The following CNKSR2 variants were observed in gnomAD, a reference collection of about 807,000 sequenced individuals.
CNKSR2 encodes CNK homolog protein 2.
In CNKSR2, 14 loss-of-function variants were observed where a neutral mutation model predicts 84.4. That is an observed-to-expected ratio of 0.17 (90% CI 0.11 to 0.26). CNKSR2 has a LOEUF of 0.26. Among genes scored for constraint, CNKSR2 ranks in the 10% least tolerant of loss-of-function variants. The pLI is 1.00. For synonymous variants in CNKSR2, 275 were observed against 277.9 expected (o/e 0.99, Z 0.10); for missense variants, 485 against 771.2 (o/e 0.63, Z 4.40).
chrX:21,590,774 A>G (rs2092415837), intron 14 of CNKSR2, 154 bp downstream of exon 14: 2 of 521,062 alleles, frequency 3.8e-6, no homozygotes, highest in South Asian at 3.8e-5. Flanking sequence ...CTTCAGTGCA[A>G]TTATAATACA....
intron 20 of CNKSR2, among the ~76,000 whole-genome samples, chrX:21,617,554 A>G (rs972056876): frequency 4.5e-5 from 5 of 112,025 alleles, no homozygotes; most frequent in Non-Finnish European, 9.4e-5. Context: ...TTTACTCTCC[A>G]AAGTTAACTA....
At chrX:21,580,030 A>T (rs963318981) in intron 13 of CNKSR2, among the ~76,000 whole-genome samples, 1 of 112,214 alleles carries the variant, frequency 8.9e-6, no homozygotes, top group African/African-American at 3.2e-5. Context: ...TGACAGCATA[A>T]TGATGATTTG....
chrX:21,398,129 G>A (rs1295897418), intron 1 of CNKSR2, among the ~76,000 whole-genome samples: 1 of 111,754 alleles, frequency 8.9e-6, no homozygotes, highest in African/African-American at 3.2e-5. Flanking sequence ...TAAAATGAGA[G>A]TAATTATAGC....
chrX:21,506,694 A>C (rs1053129015), intron 8 of CNKSR2: 1 of 111,603 alleles, frequency 9.0e-6, no homozygotes, highest in African/African-American at 3.2e-5. Flanking sequence ...AGATCTCTGC[A>C]TCCTGATTTG....
At chrX:21,479,720 T>C (rs761069862) in intron 5 of CNKSR2, among the ~76,000 whole-genome samples, 1 of 110,810 alleles carries the variant, frequency 9.0e-6, no homozygotes, top group Non-Finnish European at 1.9e-5. Flanking sequence ...TGCAGCTTCA[T>C]TGGGTTGCAT....
chrX:21,428,209 A>G (rs913954372), intron 2 of CNKSR2: 24 of 112,049 alleles, frequency 2.1e-4, no homozygotes, highest in Non-Finnish European at 3.4e-4. Context: ...TGCTAAATTA[A>G]TGTTATCTTA....
intron 1 of CNKSR2, among the ~76,000 whole-genome samples, chrX:21,389,043 C>G (rs972163746): frequency 4.7e-5 from 5 of 106,961 alleles, no homozygotes; most frequent in African/African-American, 1.7e-4. Context: ...CTTTACTCCC[C>G]ACAAACCCAT....
intron 7 of CNKSR2, 181 bp from the exon 8 acceptor site, chrX:21,501,339 G>C (rs992689071): frequency 3.6e-6 from 1 of 280,805 alleles, no homozygotes; most frequent in African/African-American, 2.8e-5. Context: ...TATTTAACTG[G>C]CTCAGCAGGT....
At chrX:21,575,217 A>C (rs1405699941) in intron 13 of CNKSR2, among the ~76,000 whole-genome samples, 1 of 111,887 alleles carries the variant, frequency 8.9e-6, no homozygotes, top group African/African-American at 3.3e-5. Context: ...TTATAAATAT[A>C]AAACAGTTTT....
chrX:21,610,334 T>C (rs61335625), intron 20 of CNKSR2, among the ~76,000 whole-genome samples: 3,816 of 112,083 alleles, frequency 0.034, 153 homozygotes, highest in African/African-American at 0.11. Flanking sequence ...CTTTACTAGT[T>C]ATTAAGTTCT....
At chrX:21,536,902 A>C (rs750859379) in intron 11 of CNKSR2, among the ~76,000 whole-genome samples, 1 of 84,108 alleles carries the variant, frequency 1.2e-5, no homozygotes, top group African/African-American at 4.6e-5. Flanking sequence ...ACTAATTTTG[A>C]GTTTGATTTA....
chrX:21,450,226 C>T (rs1466175444), intron 4 of CNKSR2, among the ~76,000 whole-genome samples: 1 of 111,218 alleles, frequency 9.0e-6, no homozygotes, highest in African/African-American at 3.3e-5. Context: ...ACTTGGTACT[C>T]GGCGTTAGTA....
intron 20 of CNKSR2, among the ~76,000 whole-genome samples, chrX:21,628,667 G>A (rs1436059032): frequency 1.8e-5 from 2 of 111,336 alleles, no homozygotes; most frequent in East Asian, 2.8e-4. Context: ...TTTAGTTATG[G>A]CTGGAGTGGC....
rs1361983204 is a variant in CNKSR2 at position 21,563,636 on chromosome X, A to G, written c.1608+184A>G. 4.5e-5 allele frequency among the ~76,000 whole-genome samples: 5 copies of G among 111,865 alleles called. No homozygotes were observed. In the East Asian group the frequency reaches 1.4e-3, roughly 32 times the overall value. ...TTTTTTTCTTAAGTTTATGTGTTCA[A>G]TGAGTTCATAGTTGTAGCAAGTTGG... On this transcript the variant is annotated intron_variant, in intron 13 of 21. Coordinates refer to ENST00000379510, the MANE Select transcript of CNKSR2 (RefSeq NM_014927.5).
intron 5 of CNKSR2, among the ~76,000 whole-genome samples, chrX:21,478,857 A>G (rs2091286153): frequency 8.9e-6 from 1 of 111,856 alleles, no homozygotes; most frequent in South Asian, 3.7e-4. Flanking sequence ...AAAGCGATAA[A>G]TTGAAGAACT....
intron 20 of CNKSR2, among the ~76,000 whole-genome samples, chrX:21,611,224 A>C (rs2147287419): frequency 8.9e-6 from 1 of 112,525 alleles, no homozygotes; most frequent in African/African-American, 3.2e-5. Context: ...TGAGTTAGAA[A>C]CTTCATTTCA....
intron 1 of CNKSR2, chrX:21,423,595 G>A (rs934352843): frequency 1.8e-5 from 2 of 111,720 alleles, no homozygotes; most frequent in Non-Finnish European, 3.8e-5. Context: ...GTTATAGAGC[G>A]ACTGCTTGCT....
intron 17 of CNKSR2, among the ~76,000 whole-genome samples, chrX:21,596,635 T>C (rs2092452242): frequency 9.0e-6 from 1 of 110,627 alleles, no homozygotes. Flanking sequence ...AATAATCTTG[T>C]TCTTTGACAT....
At chrX:21,626,745 T>C (rs1188409054) in intron 20 of CNKSR2, among the ~76,000 whole-genome samples, 1 of 112,242 alleles carries the variant, frequency 8.9e-6, no homozygotes, top group East Asian at 2.8e-4. Context: ...AAATTTAGAA[T>C]GGTGACAATC....
Sources: gnomAD v4.1 joint callset for allele counts (sites outside exome capture counted in the v4.1 genomes callset) on GRCh38, gnomAD v4.1.1 for gene constraint, MANE v1.5 for transcripts, NCBI Gene and HGNC (gene_info 2026-07-23, HGNC 2026-07-21) for gene names.